Variants in PTDSS2 observed in about 807,000 individuals in gnomAD.
PTDSS2 encodes PSS-2.
In PTDSS2, 41 loss-of-function variants were observed where a neutral mutation model predicts 64.7. The observed-to-expected ratio is 0.63, with a 90% CI of 0.49 to 0.82. The LOEUF is 0.82. PTDSS2 is among the 40% of genes least tolerant of loss of function. PTDSS2 has a pLI of 0.00. For missense variants in PTDSS2, 485 were observed against 650.0 expected (o/e 0.75, Z 2.76); for synonymous variants, 297 against 277.8 (o/e 1.07, Z -0.69).
intron 2 of PTDSS2, among the ~76,000 whole-genome samples, chr11:468,962 C>G (rs933056502): frequency 2.0e-5 from 2 of 99,108 alleles, no homozygotes; most frequent in African/African-American, 4.1e-5. Flanking sequence ...TCTGGGTAAT[C>G]GGAGGGAGGA....
chr11:484,729 C>CGT (rs60067093), intron 4 of PTDSS2, among the ~76,000 whole-genome samples: 4,533 of 135,612 alleles, frequency 0.033, 264 homozygotes, highest in African/African-American at 0.12. Flanking sequence ...TGCACGGATG[C>CGT]GTGTGCTCAC....
rs1298466721 is a variant in PTDSS2, at chr11:479,423, A to G, written c.435+271A>G. 1 of 548,506 alleles carries G rather than the reference A, an allele frequency of 1.8e-6. No individual in the cohort carries two copies. Among genetic ancestry groups the G allele is most frequent in the Non-Finnish European group, 3.3e-6 (1 of 305,530 alleles). The allele number at this position is 548,506 out of a possible 1,614,324, so 34.0% of individuals were successfully genotyped here. A position where few individuals can be genotyped will look rare whatever the true frequency, so the allele number is the denominator to read the frequency against. On this transcript the variant is annotated intron_variant, in intron 4 of 11. Coordinates refer to ENST00000308020, the MANE Select transcript of PTDSS2 (RefSeq NM_030783.3). The surrounding 1 kb of genome is among the most constrained non-coding windows in gnomAD (Gnocchi z 4.2). ...TGCTGGTGGGGCGCTGACTGTGGCC[A>G]TTTAGCAGGGCCACACTTAAGGAGG...
chr11:473,668 C>G (rs1847585437), intron 2 of PTDSS2, among the ~76,000 whole-genome samples: 1 of 152,154 alleles, frequency 6.6e-6, no homozygotes, highest in South Asian at 2.1e-4. Flanking sequence ...GCTGGGCCTT[C>G]CCTGCCGCGG....
chr11:488,479 G>T, intron 7 of PTDSS2, 50 bp from the exon 8 acceptor site: 2 of 1,515,066 alleles, frequency 1.3e-6, no homozygotes, highest in Non-Finnish European at 1.8e-6. Flanking sequence ...TCCTCCTCGG[G>T]GGGCTCGTTA....
At position 479,406 on chromosome 11, in the gene PTDSS2, G is replaced by C; in HGVS notation, c.435+254G>C. Reference sequence around the variant, plus strand: ...GGGCCTCCAGGAGCATCTGCTGGTGGGGCGCTGACTGTGGCCATTTAGCAG... The same window carrying C: ...GGGCCTCCAGGAGCATCTGCTGGTGCGGCGCTGACTGTGGCCATTTAGCAG... On this transcript the variant is annotated intron_variant, in intron 4 of 11. Transcript: ENST00000308020. The surrounding 1 kb of genome is among the most constrained non-coding windows in gnomAD (Gnocchi z 4.2). The C allele has an allele frequency of 3.5e-6, 2 of 577,012 alleles. No individual in the cohort carries two copies. Among genetic ancestry groups the C allele is most frequent in the South Asian group, 2.0e-5 (1 of 50,160 alleles). The allele number at this position is 577,012 out of a possible 1,614,324, so 35.7% of individuals were successfully genotyped here.
chr11:486,176 C>T (rs1423771544), intron 4 of PTDSS2, among the ~76,000 whole-genome samples: 1 of 152,212 alleles, frequency 6.6e-6, no homozygotes, highest in Non-Finnish European at 1.5e-5. Context: ...GCCCAAAAGC[C>T]TGCCTTGCCC....
intron 1 of PTDSS2, among the ~76,000 whole-genome samples, chr11:457,390 G>T (rs1207890163): frequency 6.6e-6 from 1 of 152,244 alleles, no homozygotes; most frequent in Non-Finnish European, 1.5e-5. Flanking sequence ...GCAGATGGGA[G>T]GTTTCTTTTG....
rs781072653 is a variant in PTDSS2, at chr11:460,237, A to G, written c.233A>G (p.Tyr78Cys). 5 of 1,614,150 alleles carry G rather than the reference A, an allele frequency of 3.1e-6. No homozygotes were observed. The highest frequency in any genetic ancestry group is 1.1e-5 in the South Asian group (1 of 91,082). ...TTCATCCTCACCTGTACGCTTGGCT[A>G]TGTGACGCTGCTGGAGGAAACACCT... ...VLFILTCTLG[Y>C]VTLLEETPQD... The change falls in exon 2 of 12, where the codon TAT becomes TGT. Residue 78 changes from tyrosine (Y) to cysteine (C), a missense_variant. This residue lies in a region of PTDSS2 where 251 missense variants were observed against 348.0 expected (regional missense o/e 0.72). Transcript: ENST00000308020. This position sits in a 1 kb window ranked among gnomAD's most constrained non-coding sequence, Gnocchi z 5.8.
At position 473,818 on chromosome 11, in the gene PTDSS2, G is replaced by T. The variant is rs545902984; in HGVS notation, c.285-77G>T. 22 of 1,097,184 alleles carry T rather than the reference G, an allele frequency of 2.0e-5. No individual in the cohort carries two copies. The African/African-American group carries it at 2.5e-4, about 12-fold the overall frequency. 68.0% of individuals were successfully genotyped at this position (1,097,184 alleles called of 1,614,324 possible). On this transcript the variant is annotated intron_variant, in intron 2 of 11. Transcript: ENST00000308020. ...GGGGCTGTTCCACAATGGGTGTCTG[G>T]GGGTCCCTGCAGCCTCCCACCTCCC...
chr11:475,282 AT>A lies in PTDSS2; in HGVS notation c.367+1307del, dbSNP rs1473124611. The stretch of plus-strand genomic sequence containing the variant: ...ATTCACGCGTTTGTGATACGGCCAT[AT>A]TCACGCGTTTGTGTGATACGGCCAT... On this transcript the variant is annotated intron_variant, in intron 3 of 11. Transcript: ENST00000308020. 4.6e-5 allele frequency among the ~76,000 whole-genome samples: 7 copies of A among 151,398 alleles called. 1 individual carries two copies. Among genetic ancestry groups the A allele is most frequent in the African/African-American group, 1.7e-4 (7 of 41,138 alleles).
intron 4 of PTDSS2, among the ~76,000 whole-genome samples, chr11:485,425 G>A (rs1255706248): frequency 8.7e-5 from 13 of 149,290 alleles, no homozygotes; most frequent in South Asian, 2.1e-4. Context: ...GCACGGACGC[G>A]TGTGTGCTCA....
Position 491,385 on chromosome 11 carries a change from C to T in PTDSS2, c.*803C>T, listed in dbSNP as rs1437400989. On this transcript the variant is annotated 3_prime_UTR_variant, in exon 12 of 12. Coordinates refer to ENST00000308020, the MANE Select transcript of PTDSS2 (RefSeq NM_030783.3). ...AAGTGACAACGAACGTCTGAGGCTT[C>T]CAGCCCTCCCCCCAGCTCCCCGTGT... 6.6e-6 allele frequency: 1 copy of T among 152,510 alleles called. No individual in the cohort carries two copies. Among genetic ancestry groups the T allele is most frequent in the Admixed American group, 6.5e-5 (1 of 15,296 alleles). 9.4% of individuals were successfully genotyped at this position (152,510 alleles called of 1,614,324 possible).
chr11:473,443 G>A (rs1027136531), intron 2 of PTDSS2, among the ~76,000 whole-genome samples: 1 of 152,194 alleles, frequency 6.6e-6, no homozygotes, highest in Non-Finnish European at 1.5e-5. Flanking sequence ...GGTCACATGC[G>A]GGGCATTCGG....
chr11:490,952 C>T lies in PTDSS2; in HGVS notation c.*370C>T, dbSNP rs907111869. 4.0e-6 allele frequency: 1 copy of T among 250,158 alleles called. No homozygotes were observed. The highest frequency in any genetic ancestry group is 7.7e-6 in the Non-Finnish European group (1 of 129,178). 15.5% of individuals were successfully genotyped at this position (250,158 alleles called of 1,614,324 possible). ...CCTCAGGAACCAGGGTCCTCCCTCCCCTTTCTGCCTGGTCAGCCCCGTGGC... is the reference window on the plus strand; with the variant it reads ...CCTCAGGAACCAGGGTCCTCCCTCCTCTTTCTGCCTGGTCAGCCCCGTGGC... On this transcript the variant is annotated 3_prime_UTR_variant, in exon 12 of 12. Coordinates refer to ENST00000308020, the MANE Select transcript of PTDSS2 (RefSeq NM_030783.3).
chr11:479,454 G>A lies in PTDSS2; in HGVS notation c.435+302G>A. On this transcript the variant is annotated intron_variant, in intron 4 of 11. Coordinates refer to ENST00000308020, the MANE Select transcript of PTDSS2 (RefSeq NM_030783.3). This position sits in a 1 kb window ranked among gnomAD's most constrained non-coding sequence, Gnocchi z 4.2. ...CAGGGCCACACTTAAGGAGGGCAGG[G>A]CCAGTGGTGCAGGCACAGAAGAGGG... is the stretch of plus-strand genomic sequence containing the variant. The A allele has an allele frequency of 2.1e-6, 1 of 487,628 alleles. No individual in the cohort carries two copies. The allele number at this position is 487,628 out of a possible 1,614,324, so 30.2% of individuals were successfully genotyped here. A position where few individuals can be genotyped will look rare whatever the true frequency, so the allele number is the denominator to read the frequency against.
intron 5 of PTDSS2, 137 bp downstream of exon 5, chr11:487,210 G>A (rs1848434404): frequency 9.7e-7 from 1 of 1,025,946 alleles, no homozygotes; most frequent in East Asian, 2.4e-5. Context: ...CTGAGGCCCT[G>A]TCCGTCTGGA....
At position 476,346 on chromosome 11, in the gene PTDSS2, C is replaced by T. The variant is rs775362791; in HGVS notation, c.367+2369C>T. 2.0e-5 allele frequency among the ~76,000 whole-genome samples: 3 copies of T among 152,160 alleles called. No individual in the cohort carries two copies. Among genetic ancestry groups the T allele is most frequent in the Admixed American group, 6.6e-5 (1 of 15,260 alleles). ...CTGGCGCCGTGACGGTGAGAAACTG[C>T]CCGTCACACAGTGAAAGGCCTGGCG... On this transcript the variant is annotated intron_variant, in intron 3 of 11. Transcript: ENST00000308020. The surrounding 1 kb of genome is among the most constrained non-coding windows in gnomAD (Gnocchi z 4.9).
Position 479,173 on chromosome 11 carries a change from G to A in PTDSS2, c.435+21G>A, listed in dbSNP as rs1847950704. 6.3e-7 allele frequency: 1 copy of A among 1,599,812 alleles called. No individual in the cohort carries two copies. The highest frequency in any genetic ancestry group is 1.3e-5 in the African/African-American group (1 of 74,642). On this transcript the variant is annotated intron_variant, in intron 4 of 11. Coordinates refer to ENST00000308020, the MANE Select transcript of PTDSS2 (RefSeq NM_030783.3). The surrounding 1 kb of genome is among the most constrained non-coding windows in gnomAD (Gnocchi z 4.2). Reference sequence around the variant, plus strand: ...TCCAGGTAAGCTGTTTTTCTGGGTTGGATACCTGGGAACTTAGGTGACAGT... The same window carrying A: ...TCCAGGTAAGCTGTTTTTCTGGGTTAGATACCTGGGAACTTAGGTGACAGT...
At chr11:469,627 CA>C (rs983401586) in intron 2 of PTDSS2, among the ~76,000 whole-genome samples, 2 of 152,084 alleles carry the variant, frequency 1.3e-5, no homozygotes, top group African/African-American at 4.8e-5. Context: ...GATGGTTAAA[CA>C]GTGTGTGCGC....
Sources: gnomAD v4.1 joint callset for allele counts (sites outside exome capture counted in the v4.1 genomes callset) on GRCh38, gnomAD v4.1.1 for gene constraint, gnomAD v4.1.1 regional missense constraint, Gnocchi (gnomAD v3.1) non-coding constraint, MANE v1.5 for transcripts, NCBI Gene and HGNC (gene_info 2026-07-23, HGNC 2026-07-21) for gene names.